The following RAB11FIP3 variants were observed in gnomAD, a reference collection of about 807,000 sequenced individuals.
RAB11FIP3 encodes the protein RAB11 family interacting protein 3.
A neutral mutation model predicts 77.8 loss-of-function variants in RAB11FIP3; 17 were observed. The observed-to-expected ratio is 0.22, with a 90% CI of 0.15 to 0.33. The LOEUF (loss-of-function observed/expected upper bound fraction) is 0.33. RAB11FIP3 is among the 10% of genes least tolerant of loss of function. The pLI is 1.00. For synonymous variants in RAB11FIP3, 437 were observed against 448.2 expected (o/e 0.98, Z 0.31); for missense variants, 1,005 against 1,011.2 (o/e 0.99, Z 0.08).
At chr16:440,698 A>C (rs945416450) in intron 1 of RAB11FIP3, among the ~76,000 whole-genome samples, 14 of 152,264 alleles carry the variant, frequency 9.2e-5, no homozygotes, top group African/African-American at 3.1e-4. Context: ...CCTTATGGGA[A>C]GGAAGACTTC....
chr16:439,925 C>T (rs1416718041), intron 1 of RAB11FIP3, among the ~76,000 whole-genome samples: 3 of 151,650 alleles, frequency 2.0e-5, no homozygotes, highest in African/African-American at 4.9e-5. Flanking sequence ...ATCAGTGCAC[C>T]CTCTGCCTCC....
intron 9 of RAB11FIP3, among the ~76,000 whole-genome samples, 162 bp downstream of exon 9, chr16:510,962 A>C (rs7195485): frequency 0.053 from 5,132 of 97,528 alleles, 363 homozygotes; most frequent in African/African-American, 0.16. Context: ...AGTTCCCCGA[A>C]AGTCCGCCAA....
chr16:425,712 TC>T lies in RAB11FIP3; in HGVS notation c.-290del, dbSNP rs1357713180. The stretch of plus-strand genomic sequence containing the variant: ...CGGCCTCCGGCCTCCTCGGCCCCCG[TC>T]CCCCGGCCTCCTCGGCCCCCGTCCC... On this transcript the variant is annotated 5_prime_UTR_variant, in exon 1 of 14. Coordinates refer to ENST00000262305, the MANE Select transcript of RAB11FIP3 (RefSeq NM_014700.4). The T allele has an allele frequency of 3.6e-6, 1 of 277,276 alleles. No homozygotes were observed. The highest frequency in any genetic ancestry group is 6.7e-6 in the Non-Finnish European group (1 of 148,854). The allele number at this position is 277,276 out of a possible 1,614,324, so 17.2% of individuals were successfully genotyped here. A position where few individuals can be genotyped will look rare whatever the true frequency, so the allele number is the denominator to read the frequency against.
rs1170038889 is a variant in RAB11FIP3, at chr16:492,420, G to GC, written c.1265+3423dup. On this transcript the variant is annotated intron_variant, in intron 5 of 13. Transcript: ENST00000262305. ...CCCGGGAGACCCGAGGCCGCCCAGG[G>GC]CCCTCCCCGGGAGACCCGAGGCCGC... 2.1e-5 allele frequency among the ~76,000 whole-genome samples: 3 copies of GC among 141,022 alleles called. 1 individual carries two copies. The highest frequency in any genetic ancestry group is 8.3e-5 in the African/African-American group (3 of 36,014). The allele number at this position is 141,022 out of a possible 152,430, so 92.5% of individuals were successfully genotyped here. A position where few individuals can be genotyped will look rare whatever the true frequency, so the allele number is the denominator to read the frequency against.
chr16:482,305 C>T lies in RAB11FIP3; in HGVS notation c.904-220C>T, dbSNP rs556412797. On this transcript the variant is annotated intron_variant, in intron 3 of 13. Transcript: ENST00000262305. ...TCCTGGGTTCAAGCGATCCACCCAC[C>T]GAGGCCTCCGAAAGTACTGGGATTA... The T allele has an allele frequency of 6.4e-4, 441 of 688,098 alleles. 3 individuals carry two copies. Among genetic ancestry groups the T allele is most frequent in the African/African-American group, 6.4e-3 (365 of 57,146 alleles). 42.6% of individuals were successfully genotyped at this position (688,098 alleles called of 1,614,324 possible).
At chr16:496,671 A>G (rs1213342822) in intron 5 of RAB11FIP3, among the ~76,000 whole-genome samples, 153 bp from the exon 6 acceptor site, 1 of 152,108 alleles carries the variant, frequency 6.6e-6, no homozygotes, top group Non-Finnish European at 1.5e-5. Flanking sequence ...CTGAGTGAGC[A>G]TTTGTGCATG....
At position 492,460 on chromosome 16, in the gene RAB11FIP3, G is replaced by GGGAGACCCGAGGCCGTCCAGAGCCCTCCC. The variant is rs1567392373; in HGVS notation, c.1265+3462_1265+3463insAGACCCGAGGCCGTCCAGAGCCCTCCCGG. ...CCCGAGGCCGCCCAGGGCCCTTCCC[G>GGGAGACCCGAGGCCGTCCAGAGCCCTCCC]GGGAGACCCGAGGCCGCCCAGGGCC... On this transcript the variant is annotated intron_variant, in intron 5 of 13. Coordinates refer to ENST00000262305, the MANE Select transcript of RAB11FIP3 (RefSeq NM_014700.4). Among the ~76,000 whole-genome samples the GGGAGACCCGAGGCCGTCCAGAGCCCTCCC allele has an allele frequency of 2.1e-3, 59 of 28,276 alleles. 2 individuals carry two copies. The highest frequency in any genetic ancestry group is 4.3e-3 in the African/African-American group (24 of 5,568). The allele number at this position is 28,276 out of a possible 152,430, so 18.6% of individuals were successfully genotyped here.
At position 464,927 on chromosome 16, in the gene RAB11FIP3, A is replaced by G. The variant is rs117668172; in HGVS notation, c.808+3430A>G. ...AAAAAAAACTTGCCATTAATTCCAA[A>G]CAGAATTTTGTGTGTAATAGAGAAT... On this transcript the variant is annotated intron_variant, in intron 2 of 13. Transcript: ENST00000262305. Among the ~76,000 whole-genome samples the G allele has an allele frequency of 2.1e-4, 32 of 152,224 alleles. No homozygotes were observed. The East Asian group carries it at 6.2e-3, about 29-fold the overall frequency.
At position 519,777 on chromosome 16, in the gene RAB11FIP3, GAT is replaced by G; in HGVS notation, c.1748_1749del (p.Ile583ArgfsTer9). ...AGGAGAAGCAGAAGCTGTTGGATGA[GAT>G]AGAGTCGCTGACGCTGCGGCTCAGT... is the stretch of plus-strand genomic sequence containing the variant. ...EEEKQKLLDE[I>X]ESLTLRLSEE... On this transcript the variant is annotated frameshift_variant, in exon 11 of 14. Coordinates refer to ENST00000262305, the MANE Select transcript of RAB11FIP3 (RefSeq NM_014700.4). LOFTEE classifies it high-confidence loss of function. 6.2e-7 allele frequency: 1 copy of G among 1,612,762 alleles called. No homozygotes were observed. Among genetic ancestry groups the G allele is most frequent in the Non-Finnish European group, 8.5e-7 (1 of 1,179,690 alleles).
chr16:496,736 C>G, intron 5 of RAB11FIP3, 88 bp from the exon 6 acceptor site: 3 of 1,340,822 alleles, frequency 2.2e-6, no homozygotes, highest in East Asian at 2.4e-5. Context: ...CCGCCCACCT[C>G]GTATCTCCAC....
chr16:442,833 A>G (rs943719148), intron 1 of RAB11FIP3, among the ~76,000 whole-genome samples: 3 of 152,060 alleles, frequency 2.0e-5, no homozygotes. Flanking sequence ...TAGAGCGGTC[A>G]TCTCTGCAGA....
intron 1 of RAB11FIP3, among the ~76,000 whole-genome samples, chr16:427,971 G>T (rs2054978521): frequency 6.6e-6 from 1 of 152,018 alleles, no homozygotes; most frequent in Non-Finnish European, 1.5e-5. Context: ...CGTGGTGGCG[G>T]GCACCTGTAC....
chr16:485,149 A>G (rs1205040975), intron 4 of RAB11FIP3, among the ~76,000 whole-genome samples: 1 of 152,048 alleles, frequency 6.6e-6, no homozygotes, highest in African/African-American at 2.4e-5. Context: ...CCCCGTGGCA[A>G]CTGCTCAGCC....
Position 520,067 on chromosome 16 carries a change from G to A in RAB11FIP3, c.1861-55G>A. The A allele has an allele frequency of 3.2e-6, 5 of 1,538,722 alleles. No individual in the cohort carries two copies. In the South Asian group the frequency reaches 4.8e-5, roughly 15 times the overall value. On this transcript the variant is annotated intron_variant, in intron 11 of 13. Coordinates refer to ENST00000262305, the MANE Select transcript of RAB11FIP3 (RefSeq NM_014700.4). Reference sequence around the variant, plus strand: ...GAGGTTCTACAGCCAAGTGATGGCTGACGGTGGCCCCTGGGAGCCCAGGCC... The same window carrying A: ...GAGGTTCTACAGCCAAGTGATGGCTAACGGTGGCCCCTGGGAGCCCAGGCC...
chr16:467,408 G>A lies in RAB11FIP3; in HGVS notation c.809-3887G>A, dbSNP rs115991146. Among the ~76,000 whole-genome samples the A allele has an allele frequency of 6.2e-3, 915 of 147,364 alleles. 10 individuals carry two copies. Among genetic ancestry groups the A allele is most frequent in the African/African-American group, 0.021 (870 of 41,150 alleles). ...GTGGAGTGGGCGTCAGGGAGGAGGT[G>A]CAGTAGCCTCAGGGAGGAGGTGCTG... On this transcript the variant is annotated intron_variant, in intron 2 of 13. Transcript: ENST00000262305.
chr16:465,617 C>CT (rs1219421969), intron 2 of RAB11FIP3, among the ~76,000 whole-genome samples: 1 of 152,088 alleles, frequency 6.6e-6, no homozygotes, highest in Non-Finnish European at 1.5e-5. Context: ...GCACTGGCTC[C>CT]TTTTTCTTTT....
rs1452299735 is a variant in RAB11FIP3, at chr16:481,034, C to A, written c.904-1491C>A. 2.1e-5 allele frequency among the ~76,000 whole-genome samples: 3 copies of A among 143,376 alleles called. 1 individual carries two copies. The East Asian group carries it at 6.2e-4, about 29-fold the overall frequency. The allele number at this position is 143,376 out of a possible 152,430, so 94.1% of individuals were successfully genotyped here. A position where few individuals can be genotyped will look rare whatever the true frequency, so the allele number is the denominator to read the frequency against. On this transcript the variant is annotated intron_variant, in intron 3 of 13. Transcript: ENST00000262305. ...ATATTGGTCAGGCTGGTCTCGAACT[C>A]CCAACCTCAGGTGATCCTTCTGCCT...
rs1567124808 is a variant in RAB11FIP3 at position 522,273 on chromosome 16, T to TATAC, written c.*1434_*1435insATAC. ...ATATATATATATATATATATATATATGTATAATATATAAAGACTGGCACCC... is the reference window on the plus strand; with the variant it reads ...ATATATATATATATATATATATATATATACGTATAATATATAAAGACTGGCACCC... On this transcript the variant is annotated 3_prime_UTR_variant, in exon 14 of 14. Coordinates refer to ENST00000262305, the MANE Select transcript of RAB11FIP3 (RefSeq NM_014700.4). The TATAC allele has an allele frequency of 6.8e-6, 1 of 146,188 alleles. No homozygotes were observed. Among genetic ancestry groups the TATAC allele is most frequent in the East Asian group, 2.0e-4 (1 of 5,038 alleles). 9.1% of individuals were successfully genotyped at this position (146,188 alleles called of 1,614,324 possible).
At chr16:485,116 A>C (rs1376548353) in intron 4 of RAB11FIP3, among the ~76,000 whole-genome samples, 1 of 152,002 alleles carries the variant, frequency 6.6e-6, no homozygotes, top group Non-Finnish European at 1.5e-5. Flanking sequence ...CTTTTTCTCT[A>C]GAAGAGTTGC....
Sources: gnomAD v4.1 joint callset for allele counts (sites outside exome capture counted in the v4.1 genomes callset) on GRCh38, gnomAD v4.1.1 for gene constraint, MANE v1.5 for transcripts, NCBI Gene and HGNC (gene_info 2026-07-23, HGNC 2026-07-21) for gene names.